The following HSD17B12 variants were observed in gnomAD, a reference collection of about 807,000 sequenced individuals.
HSD17B12 encodes the protein very-long-chain 3-oxoacyl-CoA reductase.
A neutral mutation model predicts 39.3 loss-of-function variants in HSD17B12; 32 were observed. The ratio of observed to expected loss-of-function variants is 0.81; its 90% confidence interval spans 0.61 to 1.09. The LOEUF (loss-of-function observed/expected upper bound fraction) is 1.09, where lower values mean the gene tolerates loss of function less well. Ranked by LOEUF, HSD17B12 falls within the 50% of genes least tolerant of loss-of-function variation. The pLI, the probability that HSD17B12 is intolerant of heterozygous loss-of-function variation, is 0.00. For missense variants in HSD17B12, 342 were observed against 382.9 expected (o/e 0.89, Z 0.89); for synonymous variants, 150 against 146.7 (o/e 1.02, Z -0.16).
intron 9 of HSD17B12, among the ~76,000 whole-genome samples, chr11:43,847,284 G>T (rs967759533): frequency 2.6e-5 from 4 of 152,200 alleles, no homozygotes; most frequent in African/African-American, 9.6e-5. Context: ...GAAAGGTGGG[G>T]ATGCAGATAG....
intron 1 of HSD17B12, among the ~76,000 whole-genome samples, chr11:43,730,224 C>G (rs1028019842): frequency 6.6e-5 from 10 of 152,004 alleles, no homozygotes; most frequent in Non-Finnish European, 1.5e-4. Flanking sequence ...GAACCAGGAC[C>G]AGAAAATAGG....
intron 6 of HSD17B12, among the ~76,000 whole-genome samples, chr11:43,827,908 C>G (rs889108571): frequency 2.6e-5 from 4 of 152,070 alleles, no homozygotes; most frequent in Non-Finnish European, 2.9e-5. Context: ...TATTTGTATA[C>G]TTTTTGGCTA....
At chr11:43,757,727 G>C (rs1312674251) in intron 3 of HSD17B12, among the ~76,000 whole-genome samples, 1 of 114,264 alleles carries the variant, frequency 8.8e-6, no homozygotes, top group Non-Finnish European at 1.9e-5. Context: ...AAAAAAAACA[G>C]ACAAATAAAT....
At chr11:43,701,214 C>T (rs946426335) in intron 1 of HSD17B12, among the ~76,000 whole-genome samples, 1 of 152,138 alleles carries the variant, frequency 6.6e-6, no homozygotes, top group African/African-American at 2.4e-5. Flanking sequence ...GTTGTTTAGG[C>T]TCCTTATATA....
At chr11:43,684,671 G>A (rs1033581799) in intron 1 of HSD17B12, among the ~76,000 whole-genome samples, 2 of 152,212 alleles carry the variant, frequency 1.3e-5, no homozygotes, top group African/African-American at 4.8e-5. Context: ...ATCAGTTAGT[G>A]AGTTAGATTT....
chr11:43,685,716 ATGTTGG>A (rs1464764489), intron 1 of HSD17B12, among the ~76,000 whole-genome samples: 2 of 152,232 alleles, frequency 1.3e-5, no homozygotes, highest in African/African-American at 2.4e-5. Flanking sequence ...CGTACACTGT[ATGTTGG>A]TGATGGGCCT....
chr11:43,790,506 T>C (rs1028289507), intron 3 of HSD17B12, among the ~76,000 whole-genome samples: 1 of 152,182 alleles, frequency 6.6e-6, no homozygotes, highest in African/African-American at 2.4e-5. Flanking sequence ...CTTGAAACTG[T>C]GGATAGTGCT....
intron 1 of HSD17B12, among the ~76,000 whole-genome samples, chr11:43,722,704 C>T (rs1950186418): frequency 6.6e-6 from 1 of 152,004 alleles, no homozygotes; most frequent in African/African-American, 2.4e-5. Flanking sequence ...AAAGTACTAG[C>T]TGGGAATGGT....
chr11:43,671,538 C>T, the HSD17B12 span, among the ~76,000 whole-genome samples: 9 of 152,088 alleles, frequency 5.9e-5, no homozygotes, highest in African/African-American at 1.9e-4. Flanking sequence ...TTTCTTTAAG[C>T]GAAAGTATTC....
chr11:43,684,056 G>A (rs1644403208), intron 1 of HSD17B12, among the ~76,000 whole-genome samples: 1 of 152,164 alleles, frequency 6.6e-6, no homozygotes, highest in South Asian at 2.1e-4. Context: ...AGGCTTTCAA[G>A]ACTGTCCATT....
the HSD17B12 span, among the ~76,000 whole-genome samples, chr11:43,667,266 C>T: frequency 6.6e-6 from 1 of 152,108 alleles, no homozygotes; most frequent in Non-Finnish European, 1.5e-5. Context: ...ATTCTCCTGC[C>T]TCAGCCTCCT....
At chr11:43,633,400 C>G in the HSD17B12 span, among the ~76,000 whole-genome samples, 1 of 152,024 alleles carries the variant, frequency 6.6e-6, no homozygotes, top group Non-Finnish European at 1.5e-5. Context: ...GGTGCGGTGG[C>G]AGGCACCTGT....
intron 9 of HSD17B12, 80 bp downstream of exon 9, chr11:43,840,144 A>G (rs1047460220): frequency 8.9e-6 from 10 of 1,126,114 alleles, no homozygotes; most frequent in Admixed American, 2.2e-5. Flanking sequence ...GGCAATAACA[A>G]AAAAAATCAT....
chr11:43,623,786 T>C, the HSD17B12 span, among the ~76,000 whole-genome samples: 684 of 152,076 alleles, frequency 4.5e-3, 1 homozygote, highest in African/African-American at 0.016. Flanking sequence ...AAAACCCTGG[T>C]ATGTTTGAAA....
chr11:43,676,392 A>T (rs1949695433), upstream of HSD17B12, among the ~76,000 whole-genome samples: 1 of 152,226 alleles, frequency 6.6e-6, no homozygotes, highest in South Asian at 2.1e-4. Context: ...ATTTGGAAAT[A>T]ATCAGCTTAC....
chr11:43,852,153 T>G (rs1161014665), intron 9 of HSD17B12: 2 of 152,206 alleles, frequency 1.3e-5, no homozygotes, highest in Non-Finnish European at 2.9e-5. Context: ...TGAGTATGCA[T>G]CTCTTGTCCC....
intron 1 of HSD17B12, among the ~76,000 whole-genome samples, chr11:43,696,264 G>T (rs1342680534): frequency 6.6e-6 from 1 of 152,090 alleles, no homozygotes; most frequent in Non-Finnish European, 1.5e-5. Flanking sequence ...ATAGTGATGA[G>T]CAAGAAAGCC....
At chr11:43,753,923 T>C in intron 2 of HSD17B12, 123 bp from the exon 3 acceptor site, 1 of 585,244 alleles carries the variant, frequency 1.7e-6, no homozygotes, top group Middle Eastern at 3.0e-4. Flanking sequence ...TATGTCTTCA[T>C]TACACTTGGG....
At chr11:43,782,566 CT>C (rs777480610) in intron 3 of HSD17B12, among the ~76,000 whole-genome samples, 16 of 151,564 alleles carry the variant, frequency 1.1e-4, no homozygotes, top group Admixed American at 1.3e-4. Flanking sequence ...GTCCCAGCTA[CT>C]TGTGAGGCTG....
Sources: allele counts gnomAD v4.1 joint callset (sites outside exome capture counted in the v4.1 genomes callset), GRCh38; gene constraint gnomAD v4.1.1; transcripts MANE v1.5; gene names NCBI Gene and HGNC (gene_info 2026-07-23, HGNC 2026-07-21).